The following CHEK2 variants were observed in gnomAD, a reference collection of about 807,000 sequenced individuals.
The protein encoded by CHEK2 is checkpoint kinase 2.
Under a neutral mutation model 69.1 loss-of-function variants are expected in CHEK2, and 71 were observed. The observed-to-expected ratio is 1.03, with a 90% CI of 0.85 to 1.25. The LOEUF (loss-of-function observed/expected upper bound fraction) is 1.25, where lower values mean the gene tolerates loss of function less well. Among genes scored for constraint, CHEK2 ranks in the 50% most tolerant of loss-of-function variants. CHEK2 has a pLI of 0.00. For missense variants in CHEK2, 664 were observed against 649.6 expected (o/e 1.02, Z -0.24); for synonymous variants, 189 against 226.9 (o/e 0.83, Z 1.50).
rs2145845675 is a variant in CHEK2, at chr22:28,699,957, C to T, written c.909-20G>A. On this transcript the variant is annotated intron_variant, in intron 8 of 14. Transcript: ENST00000404276. ...TCCATCCTGAAACACAAAGGCAAGG[C>T]AAGGGGTTCATTCCTGGGGGAAAAC... The T allele has an allele frequency of 2.5e-6, 4 of 1,572,382 alleles. No homozygotes were observed. The highest frequency in any genetic ancestry group is 3.5e-6 in the Non-Finnish European group (4 of 1,143,214).
At chr22:28,736,764 A>ACCCCCCCC (rs17881006) in intron 1 of CHEK2, among the ~76,000 whole-genome samples, 7 of 138,184 alleles carry the variant, frequency 5.1e-5, no homozygotes, top group South Asian at 2.4e-4. Flanking sequence ...ACATAGTGGG[A>ACCCCCCCC]CCCCCCCCGC....
intron 1 of CHEK2, among the ~76,000 whole-genome samples, chr22:28,736,904 C>G (rs761770321): frequency 6.6e-6 from 1 of 152,076 alleles, no homozygotes; most frequent in African/African-American, 2.4e-5. Context: ...GATCATACCA[C>G]TTACATACCA....
At chr22:28,733,646 C>T (rs1288792844) in intron 2 of CHEK2, among the ~76,000 whole-genome samples, 1 of 152,052 alleles carries the variant, frequency 6.6e-6, no homozygotes, top group Non-Finnish European at 1.5e-5. Context: ...TAGATGGGCA[C>T]GGTTGCTCAT....
chr22:28,723,229 G>T (rs1395539313), intron 4 of CHEK2, among the ~76,000 whole-genome samples: 1 of 152,146 alleles, frequency 6.6e-6, no homozygotes, highest in Non-Finnish European at 1.5e-5. Context: ...CGATAACCTT[G>T]TAGTATTTAC....
intron 4 of CHEK2, 72 bp downstream of exon 4, chr22:28,724,905 G>T (rs772050269): frequency 6.7e-7 from 1 of 1,497,456 alleles, no homozygotes; most frequent in Non-Finnish European, 9.3e-7. Flanking sequence ...ATTCTGTAAG[G>T]ACAGGACAAA....
intron 1 of CHEK2, among the ~76,000 whole-genome samples, chr22:28,741,358 T>C (rs908911512): frequency 2.0e-5 from 3 of 151,886 alleles, no homozygotes; most frequent in Non-Finnish European, 4.4e-5. Context: ...TAGGGACTTA[T>C]TTAGGGACAC....
chr22:28,704,586 G>A (rs920402879), intron 7 of CHEK2, among the ~76,000 whole-genome samples: 2 of 152,124 alleles, frequency 1.3e-5, no homozygotes, highest in Admixed American at 6.6e-5. Flanking sequence ...ACCCACCTCA[G>A]CCTCCCAAAG....
chr22:28,688,506 T>TAAA (rs1248789271), intron 14 of CHEK2, among the ~76,000 whole-genome samples: 1 of 152,138 alleles, frequency 6.6e-6, no homozygotes. Flanking sequence ...CCATCTCACC[T>TAAA]AAAAATTCAA....
In CHEK2 at chr22:28,703,535, T is replaced by C. The variant is rs932236548; in HGVS notation, c.878A>G (p.Asp293Gly). The C allele has an allele frequency of 6.4e-7, 1 of 1,554,596 alleles. No individual in the cohort carries two copies. The highest frequency in any genetic ancestry group is 8.8e-7 in the Non-Finnish European group (1 of 1,132,674). The change falls in exon 8 of 15, where the codon GAT becomes GGT. Residue 293 changes from aspartate (D) to glycine (G), a missense_variant. Transcript: ENST00000404276. ...CAAAACAATATAATAATCTTCTGCA[T>C]CAAAAAAGTTTTTAATCTTGATGAT... ...PCIIKIKNFFDAEDYYIVLEL... is the reference protein window; with the variant it reads ...PCIIKIKNFFGAEDYYIVLEL...
intron 1 of CHEK2, among the ~76,000 whole-genome samples, chr22:28,738,524 A>C (rs1245829461): frequency 6.6e-6 from 1 of 152,170 alleles, no homozygotes; most frequent in Non-Finnish European, 1.5e-5. Context: ...GGATTAAGTG[A>C]AGTGACGCAT....
At chr22:28,696,770 C>A (rs2052600680) in intron 10 of CHEK2, 131 bp downstream of exon 10, 1 of 695,738 alleles carries the variant, frequency 1.4e-6, no homozygotes, top group Non-Finnish European at 2.6e-6. Flanking sequence ...CACCTGATCT[C>A]TAAAATAATT....
intron 4 of CHEK2, among the ~76,000 whole-genome samples, chr22:28,722,204 G>A (rs1306441144): frequency 6.6e-6 from 1 of 151,956 alleles, no homozygotes; most frequent in African/African-American, 2.4e-5. Flanking sequence ...CCCACAAACA[G>A]CAAAACCTAA....
At chr22:28,702,522 G>A (rs2052922324) in intron 8 of CHEK2, among the ~76,000 whole-genome samples, 1 of 146,848 alleles carries the variant, frequency 6.8e-6, no homozygotes, top group African/African-American at 2.5e-5. Context: ...ACAGATGTGA[G>A]CCACTGCGCC....
At chr22:28,711,558 A>C (rs1343841727) in intron 6 of CHEK2, among the ~76,000 whole-genome samples, 3 of 152,160 alleles carry the variant, frequency 2.0e-5, no homozygotes, top group Admixed American at 6.5e-5. Flanking sequence ...AACTGAAAAC[A>C]GCTGTGGGGT....
At chr22:28,722,647 T>C (rs1170248668) in intron 4 of CHEK2, among the ~76,000 whole-genome samples, 2 of 150,898 alleles carry the variant, frequency 1.3e-5, no homozygotes, top group African/African-American at 2.4e-5. Context: ...ATGCCCAACA[T>C]AGACATAGTT....
Position 28,696,604 on chromosome 22 carries a change from C to T in CHEK2, c.1095+297G>A, listed in dbSNP as rs17881589. ...AAACTCCTGACCTCAGGTGATCTGCCCACCTCGGCCTCCCAAAGTGCTGGG... is the reference window on the plus strand; with the variant it reads ...AAACTCCTGACCTCAGGTGATCTGCTCACCTCGGCCTCCCAAAGTGCTGGG... On this transcript the variant is annotated intron_variant, in intron 10 of 14. Transcript: ENST00000404276. 0.019 allele frequency among the ~76,000 whole-genome samples: 2,952 copies of T among 152,128 alleles called. 47 individuals carry two copies. The highest frequency in any genetic ancestry group is 0.031 in the Non-Finnish European group (2,080 of 67,972).
chr22:28,714,071 G>A (rs1402144477), intron 5 of CHEK2, among the ~76,000 whole-genome samples: 1 of 151,810 alleles, frequency 6.6e-6, no homozygotes, highest in Non-Finnish European at 1.5e-5. Context: ...TTTTTCTGTT[G>A]TTGTTTGTTG....
chr22:28,688,644 G>C (rs1365927252), intron 14 of CHEK2, among the ~76,000 whole-genome samples: 1 of 151,896 alleles, frequency 6.6e-6, no homozygotes, highest in African/African-American at 2.4e-5. Flanking sequence ...ACTCCGGCCT[G>C]AGTGACAAAC....
chr22:28,704,037 C>T (rs1233084292), intron 7 of CHEK2, among the ~76,000 whole-genome samples: 1 of 151,766 alleles, frequency 6.6e-6, no homozygotes, highest in East Asian at 1.9e-4. Flanking sequence ...CAAGATCCTA[C>T]CATTTTTCAA....
Sources: allele counts gnomAD v4.1 joint callset (sites outside exome capture counted in the v4.1 genomes callset), GRCh38; gene constraint gnomAD v4.1.1; transcripts MANE v1.5; gene names NCBI Gene and HGNC (gene_info 2026-07-23, HGNC 2026-07-21).